The following KDM7A variants were observed in gnomAD, a reference collection of about 807,000 sequenced individuals.
KDM7A encodes the protein lysine demethylase 7A, also known as lysine-specific demethylase 7A.
A neutral mutation model predicts 114.8 loss-of-function variants in KDM7A; 28 were observed. The ratio of observed to expected loss-of-function variants is 0.24; its 90% CI spans 0.18 to 0.33. KDM7A has a LOEUF of 0.33. KDM7A is among the 10% of genes least tolerant of loss of function. The pLI is 1.00. For synonymous variants in KDM7A, 423 were observed against 397.8 expected (o/e 1.06, Z -0.75); for missense variants, 942 against 1,142.5 (o/e 0.82, Z 2.53).
intron 9 of KDM7A, among the ~76,000 whole-genome samples, chr7:140,115,676 T>C (rs1379206480): frequency 6.6e-6 from 1 of 151,936 alleles, no homozygotes; most frequent in South Asian, 2.1e-4. Flanking sequence ...CAGGGTCCTC[T>C]GCCTAGGAAA....
intron 3 of KDM7A, among the ~76,000 whole-genome samples, chr7:140,131,330 C>T (rs945458490): frequency 1.3e-5 from 2 of 152,176 alleles, no homozygotes; most frequent in African/African-American, 4.8e-5. Context: ...TTTTAATCTC[C>T]CAATTGCTCT....
Position 140,096,661 on chromosome 7 carries a change from G to C in KDM7A, c.2268C>G (p.Ser756Arg). 1 of 1,614,110 alleles carries C rather than the reference G, an allele frequency of 6.2e-7. No homozygotes were observed. The highest frequency in any genetic ancestry group is 1.1e-5 in the South Asian group (1 of 91,080). The change falls in exon 17 of 20, where the codon AGC (serine) becomes AGG (arginine). Residue 756 changes from serine to arginine, a missense_variant. Around this residue, in one of 4 missense-constraint regions of KDM7A, gnomAD observed 512 missense variants for 576.6 expected, o/e 0.89. Transcript: ENST00000397560. ...YSTCLQRQIQ[S>R]TDCSGERNSL... ...AGTTTCTTTCACCACTGCAGTCTGT[G>C]CTTTGTATTTGCCTTTGTAAACACG...
Position 140,120,504 on chromosome 7 carries a change from A to G in KDM7A, c.1077T>C (p.Ser359=). 1 of 1,611,990 alleles carries G rather than the reference A, an allele frequency of 6.2e-7. No individual in the cohort carries two copies. Among genetic ancestry groups the G allele is most frequent in the Non-Finnish European group, 8.5e-7 (1 of 1,178,084 alleles). Residue 359 remains serine, a synonymous_variant, in exon 8 of 20, where the codon TCT becomes TCC. Coordinates refer to ENST00000397560, the MANE Select transcript of KDM7A (RefSeq NM_030647.2). ...PTGWIHAVLT[S]QDCMAFGGNF... The stretch of plus-strand genomic sequence containing the variant: ...TCCCCCCAAAAGCCATACAGTCCTG[A>G]GAAGTGAGCACAGCATGGATCCACC...
rs1340794603 is a variant in KDM7A, at chr7:140,127,465, G to A, written c.678C>T (p.Ile226=). The change falls in exon 5 of 20, where the codon ATC becomes ATT. Residue 226 remains isoleucine (I), a synonymous_variant. Coordinates refer to ENST00000397560, the MANE Select transcript of KDM7A (RefSeq NM_030647.2). ...NPNRPKVLNV[I]SLEFSDTKMS... ...ACTTTGTATCTGAAAATTCAAGGCT[G>A]ATCACATTTAACACTTTTGGTCTGT... The A allele has an allele frequency of 6.2e-7, 1 of 1,613,084 alleles. No individual in the cohort carries two copies. Among genetic ancestry groups the A allele is most frequent in the East Asian group, 2.2e-5 (1 of 44,878 alleles).
intron 9 of KDM7A, among the ~76,000 whole-genome samples, chr7:140,115,987 T>C (rs1271847653): frequency 1.3e-5 from 2 of 152,108 alleles, no homozygotes; most frequent in Non-Finnish European, 2.9e-5. Context: ...AATACTACTT[T>C]ATATCCATGA....
At chr7:140,108,828 G>A (rs1818386377) in intron 11 of KDM7A, among the ~76,000 whole-genome samples, 1 of 152,232 alleles carries the variant, frequency 6.6e-6, no homozygotes, top group South Asian at 2.1e-4. Context: ...GTCTGCAGAA[G>A]TTTCTGCTGC....
rs1003233132 is a variant in KDM7A, at chr7:140,087,840, A to G, written c.*3254T>C. 7 of 152,218 alleles carry G rather than the reference A, an allele frequency of 4.6e-5. No homozygotes were observed. The highest frequency in any genetic ancestry group is 1.7e-4 in the African/African-American group (7 of 41,464). 9.4% of individuals were successfully genotyped at this position (152,218 alleles called of 1,614,324 possible). The stretch of plus-strand genomic sequence containing the variant: ...GTGGCATATCTCAGTTGAAACTAAA[A>G]AAGTCAGCATGTTTTTTAATGAACA... On this transcript the variant is annotated 3_prime_UTR_variant, in exon 20 of 20. Coordinates refer to ENST00000397560, the MANE Select transcript of KDM7A (RefSeq NM_030647.2).
chr7:140,146,523 T>G (rs1353672126), intron 1 of KDM7A, among the ~76,000 whole-genome samples: 1 of 152,250 alleles, frequency 6.6e-6, no homozygotes, highest in East Asian at 1.9e-4. Flanking sequence ...CTTTCAAACC[T>G]GGCACATAAC....
At chr7:140,175,542 A>T (rs1794693392) in intron 1 of KDM7A, among the ~76,000 whole-genome samples, 1 of 152,098 alleles carries the variant, frequency 6.6e-6, no homozygotes, top group Non-Finnish European at 1.5e-5. Context: ...TTGCCACAAC[A>T]CCCAAATAAG....
rs1312680589 is a variant in KDM7A, at chr7:140,101,875, T to C, written c.1638+76A>G. 3.2e-6 allele frequency: 3 copies of C among 943,728 alleles called. No individual in the cohort carries two copies. In the African/African-American group the frequency reaches 4.9e-5, roughly 16 times the overall value. 58.5% of individuals were successfully genotyped at this position (943,728 alleles called of 1,614,324 possible). Reference sequence around the variant, plus strand: ...ATTAGATATCAACAATAGTCAAGACTATTCTCTTATTATCCCTATAAAGAC... The same window carrying C: ...ATTAGATATCAACAATAGTCAAGACCATTCTCTTATTATCCCTATAAAGAC... On this transcript the variant is annotated intron_variant, in intron 12 of 19. Transcript: ENST00000397560.
intron 6 of KDM7A, 71 bp downstream of exon 6, chr7:140,126,566 T>C: frequency 1.2e-6 from 1 of 828,778 alleles, no homozygotes; most frequent in South Asian, 3.7e-5. Context: ...TTACAAGAAA[T>C]GAATATACCA....
chr7:140,142,158 C>T (rs1000692866), intron 1 of KDM7A, among the ~76,000 whole-genome samples: 1 of 149,834 alleles, frequency 6.7e-6, no homozygotes, highest in Non-Finnish European at 1.5e-5. Context: ...CCTAAACACA[C>T]ATAAAACACA....
intron 1 of KDM7A, among the ~76,000 whole-genome samples, chr7:140,140,824 G>GTAAAT (rs1794263922): frequency 6.6e-6 from 1 of 151,746 alleles, no homozygotes; most frequent in Non-Finnish European, 1.5e-5. Context: ...CTGTGCTGGA[G>GTAAAT]GATCGAACTG....
chr7:140,103,088 T>C (rs1191883082), intron 11 of KDM7A, among the ~76,000 whole-genome samples: 2 of 152,044 alleles, frequency 1.3e-5, no homozygotes, highest in African/African-American at 4.8e-5. Context: ...CTGCACAAAC[T>C]GAAACCTGAA....
chr7:140,157,287 G>A (rs1428341730), intron 1 of KDM7A, among the ~76,000 whole-genome samples: 2 of 152,194 alleles, frequency 1.3e-5, no homozygotes, highest in Non-Finnish European at 2.9e-5. Context: ...CCACCACTGA[G>A]GGTAGCCTCA....
intron 7 of KDM7A, among the ~76,000 whole-genome samples, chr7:140,122,206 A>G (rs999245646): frequency 6.6e-6 from 1 of 152,214 alleles, no homozygotes; most frequent in Non-Finnish European, 1.5e-5. Context: ...TGCAATTACT[A>G]TTTCATTCTG....
intron 12 of KDM7A, among the ~76,000 whole-genome samples, chr7:140,100,661 T>TATATATATATATATATAC (rs1562945807): frequency 3.2e-4 from 13 of 40,734 alleles, no homozygotes; most frequent in Admixed American, 6.0e-4. Context: ...TTTAAAAAGT[T>TATATATATATATATATAC]ATATATATAT....
At chr7:140,175,851 G>A (rs952248008) in intron 1 of KDM7A, among the ~76,000 whole-genome samples, 7 of 151,992 alleles carry the variant, frequency 4.6e-5, no homozygotes, top group Admixed American at 1.3e-4. Context: ...AGGCGGTCCC[G>A]GTGTCGCCAG....
intron 13 of KDM7A, among the ~76,000 whole-genome samples, chr7:140,099,458 A>G (rs1818167117): frequency 6.6e-6 from 1 of 152,234 alleles, no homozygotes; most frequent in East Asian, 1.9e-4. Flanking sequence ...CAGACTCCCA[A>G]ATCAACTTGG....
Sources: gnomAD v4.1 joint callset for allele counts (sites outside exome capture counted in the v4.1 genomes callset) on GRCh38, gnomAD v4.1.1 for gene constraint, gnomAD v4.1.1 regional missense constraint, MANE v1.5 for transcripts, NCBI Gene and HGNC (gene_info 2026-07-23, HGNC 2026-07-21) for gene names.